IFNGR1: variants seen among roughly 807,000 people sequenced by gnomAD.
IFNGR1 encodes the protein interferon gamma receptor 1.
IFNGR1 carries 23 observed loss-of-function variants against 35.4 expected under a neutral mutation model. The observed-to-expected ratio is 0.65, with a 90% CI of 0.47 to 0.92. IFNGR1 has a LOEUF of 0.92. Ranked by LOEUF, IFNGR1 falls within the 40% of genes least tolerant of loss-of-function variation. The pLI is 0.00. For missense variants in IFNGR1, 533 were observed against 583.4 expected (o/e 0.91, Z 0.89); for synonymous variants, 199 against 209.5 (o/e 0.95, Z 0.43).
At position 137,198,257 on chromosome 6, in the gene IFNGR1, T is replaced by G. The variant is rs775862895; in HGVS notation, c.1244A>C (p.Asp415Ala). ...SDHSRNGFDT[D>A]SSCLESHSSL... is the part of the protein sequence containing the mutation. The stretch of plus-strand genomic sequence containing the variant: ...GCTATGTGATTCCAGACAGCTGGAA[T>G]CAGTATCAAAACCATTTCTGGAGTG... The change falls in exon 7 of 7, where the codon GAT (aspartate) becomes GCT (alanine). Residue 415 changes from aspartate to alanine, a missense_variant. Physicochemically the swap from Asp to Ala is moderately radical, Grantham distance 126. Coordinates refer to ENST00000367739, the MANE Select transcript of IFNGR1 (RefSeq NM_000416.3). The G allele has an allele frequency of 3.7e-6, 6 of 1,614,136 alleles. No individual in the cohort carries two copies. The highest frequency in any genetic ancestry group is 5.1e-6 in the Non-Finnish European group (6 of 1,180,028).
chr6:137,203,791 A>T (rs935547129), intron 4 of IFNGR1, 106 bp from the exon 5 acceptor site: 9 of 917,562 alleles, frequency 9.8e-6, no homozygotes, highest in Non-Finnish European at 1.4e-5. Flanking sequence ...AATATATATG[A>T]TTGACTTGAA....
chr6:137,200,928 T>C lies in IFNGR1; in HGVS notation c.814A>G (p.Lys272Glu). 2.5e-6 allele frequency: 4 copies of C among 1,608,328 alleles called. No individual in the cohort carries two copies. The highest frequency in any genetic ancestry group is 3.4e-6 in the Non-Finnish European group (4 of 1,175,236). The stretch of plus-strand genomic sequence containing the variant: ...CTTTTTTCCTTCAATGGATTAATTT[T>C]CTTAATATAAAAACAGATGAATACC... Reference protein sequence around the residue: ...SLVFICFYIKKINPLKEKSII... With the variant: ...SLVFICFYIKEINPLKEKSII... The change falls in exon 6 of 7, where the codon AAA (lysine) becomes GAA (glutamate). Residue 272 changes from lysine to glutamate, a missense_variant. Coordinates refer to ENST00000367739, the MANE Select transcript of IFNGR1 (RefSeq NM_000416.3).
intron 1 of IFNGR1, among the ~76,000 whole-genome samples, chr6:137,214,304 T>A (rs1334538507): frequency 6.6e-6 from 1 of 152,198 alleles, no homozygotes; most frequent in Non-Finnish European, 1.5e-5. Flanking sequence ...TGTCAGAACA[T>A]ATTTGATTAC....
At chr6:137,200,768 T>A (rs370861477) in intron 6 of IFNGR1, 113 bp downstream of exon 6, 1 of 879,154 alleles carries the variant, frequency 1.1e-6, no homozygotes, top group African/African-American at 1.7e-5. Flanking sequence ...GACTGATTGA[T>A]GGCAGGTGAC....
At chr6:137,200,688 TAA>T (rs75537328) in intron 6 of IFNGR1, among the ~76,000 whole-genome samples, 191 bp downstream of exon 6, 2 of 147,370 alleles carry the variant, frequency 1.4e-5, no homozygotes, top group Non-Finnish European at 1.5e-5. Flanking sequence ...TCCCTGAGAA[TAA>T]AAAAAAAAAC....
chr6:137,210,870 G>A (rs1220901139), intron 1 of IFNGR1, among the ~76,000 whole-genome samples: 6 of 152,008 alleles, frequency 3.9e-5, no homozygotes, highest in Non-Finnish European at 8.8e-5. Context: ...GACCAAACTG[G>A]TATATTGCCT....
intron 3 of IFNGR1, among the ~76,000 whole-genome samples, chr6:137,205,588 A>G (rs1178323149): frequency 6.6e-6 from 1 of 152,196 alleles, no homozygotes; most frequent in Non-Finnish European, 1.5e-5. Flanking sequence ...GTTAGCTGCC[A>G]AAGTCCTTAG....
At chr6:137,200,771 C>T (rs527272055) in intron 6 of IFNGR1, 110 bp downstream of exon 6, 4 of 891,922 alleles carry the variant, frequency 4.5e-6, no homozygotes, top group Non-Finnish European at 5.1e-6. Context: ...TGATTGATGG[C>T]AGGTGACATC....
In IFNGR1 at chr6:137,197,806, TAA is replaced by T. The variant is rs1442991370; in HGVS notation, c.*223_*224del. 6 of 503,102 alleles carry T rather than the reference TAA, an allele frequency of 1.2e-5. No individual in the cohort carries two copies. Among genetic ancestry groups the T allele is most frequent in the Non-Finnish European group, 1.8e-5 (5 of 283,952 alleles). 31.2% of individuals were successfully genotyped at this position (503,102 alleles called of 1,614,324 possible). On this transcript the variant is annotated 3_prime_UTR_variant, in exon 7 of 7. Transcript: ENST00000367739. ...TAACCTATCTGGATGTAAAGGTTCA[TAA>T]GTTACAATGCTTTTTTTGTTTAAAA...
chr6:137,216,502 C>A (rs1243534549), intron 1 of IFNGR1, among the ~76,000 whole-genome samples: 1 of 152,148 alleles, frequency 6.6e-6, no homozygotes, highest in Non-Finnish European at 1.5e-5. Context: ...TCCTAAACAC[C>A]TGGATTTCCT....
chr6:137,214,467 T>C (rs1201325048), intron 1 of IFNGR1, among the ~76,000 whole-genome samples: 4 of 152,238 alleles, frequency 2.6e-5, no homozygotes, highest in Non-Finnish European at 5.9e-5. Context: ...AAGTGTTCAT[T>C]GAAATCTTCT....
Position 137,198,562 on chromosome 6 carries a change from T to C in IFNGR1, c.939A>G (p.Pro313=), listed in dbSNP as rs1411424093. The change falls in exon 7 of 7, where the codon CCA becomes CCG. Residue 313 remains proline, a synonymous_variant. Transcript: ENST00000367739. Reference sequence around the variant, plus strand: ...AGACCACCTCCTTTTCTAAGGAAAATGGCTGGTATGACGTGATGAGTGATA... The same window carrying C: ...AGACCACCTCCTTTTCTAAGGAAAACGGCTGGTATGACGTGATGAGTGATA... ...KYVSLITSYQ[P]FSLEKEVVCE... is the part of the protein sequence containing the mutation. 2 of 1,613,736 alleles carry C rather than the reference T, an allele frequency of 1.2e-6. No homozygotes were observed. The highest frequency in any genetic ancestry group is 4.5e-5 in the East Asian group (2 of 44,886).
intron 6 of IFNGR1, among the ~76,000 whole-genome samples, chr6:137,199,489 ATATTATATAAAATATATAATT>A (rs1779198573): frequency 1.1e-5 from 1 of 91,946 alleles, no homozygotes; most frequent in Non-Finnish European, 2.1e-5. Context: ...AATTTATAAT[ATATTATATAAAATATATAATT>A]TATAATATAT....
intron 1 of IFNGR1, among the ~76,000 whole-genome samples, chr6:137,214,925 GT>G (rs1394356023): frequency 6.6e-6 from 1 of 152,098 alleles, no homozygotes; most frequent in East Asian, 1.9e-4. Context: ...GGTTAAGTTT[GT>G]TTTTTTAAAA....
chr6:137,219,113 C>G, intron 1 of IFNGR1, 130 bp downstream of exon 1: 2 of 1,259,484 alleles, frequency 1.6e-6, no homozygotes, highest in South Asian at 1.3e-5. Flanking sequence ...CCGTCGCCCG[C>G]TCAGGGCCCG....
rs762406244 is a variant in IFNGR1 at position 137,198,250 on chromosome 6, G to C, written c.1251C>G (p.Ser417Arg). 2 of 1,614,106 alleles carry C rather than the reference G, an allele frequency of 1.2e-6. No homozygotes were observed. The highest frequency in any genetic ancestry group is 3.3e-5 in the Admixed American group (2 of 59,992). ...HSRNGFDTDSSCLESHSSLSD... is the reference protein window; with the variant it reads ...HSRNGFDTDSRCLESHSSLSD... ...ATAAGGAGCTATGTGATTCCAGACA[G>C]CTGGAATCAGTATCAAAACCATTTC... Residue 417 changes from serine to arginine, a missense_variant, in exon 7 of 7, where the codon AGC (serine) becomes AGG (arginine). Physicochemically the swap from Ser to Arg is moderately radical, Grantham distance 110. Transcript: ENST00000367739.
Position 137,207,033 on chromosome 6 carries a change from G to A in IFNGR1, c.130C>T (p.Pro44Ser), listed in dbSNP as rs749548839. Residue 44 changes from proline (P) to serine (S), a missense_variant, in exon 2 of 7, where the codon CCT becomes TCT. Pro to Ser is a moderately conservative substitution (Grantham distance 74). Transcript: ENST00000367739. ...NVTIESYNMN[P>S]IVYWEYQIMP... ...ATCTGGTACTCCCAATATACGATAG[G>A]GTTCATGTTATAGGATTCAATTGTA... is the stretch of plus-strand genomic sequence containing the variant. The A allele has an allele frequency of 1.2e-6, 2 of 1,613,920 alleles. No homozygotes were observed. The highest frequency in any genetic ancestry group is 1.1e-5 in the South Asian group (1 of 91,064).
intron 3 of IFNGR1, 95 bp from the exon 4 acceptor site, chr6:137,204,599 G>C (rs1779385799): frequency 3.8e-6 from 4 of 1,058,672 alleles, no homozygotes; most frequent in East Asian, 2.5e-5. Flanking sequence ...TCAACCTATT[G>C]TTTTTGTTCT....
In IFNGR1 at chr6:137,206,294, T is replaced by A. The variant is rs1406607541; in HGVS notation, c.215A>T (p.Glu72Val). 1 of 1,602,236 alleles carries A rather than the reference T, an allele frequency of 6.2e-7. No homozygotes were observed. The highest frequency in any genetic ancestry group is 1.1e-5 in the South Asian group (1 of 90,800). ...EVKNYGVKNSEWIDACINISH... is the reference protein window; with the variant it reads ...EVKNYGVKNSVWIDACINISH... ...AATATTGATGCAGGCATCAATCCAT[T>A]CTGAATTCTTAACACTAAAAAGAAT... is the stretch of plus-strand genomic sequence containing the variant. The change falls in exon 3 of 7, where the codon GAA (glutamate) becomes GTA (valine). Residue 72 changes from glutamate (E) to valine (V), a missense_variant. By Grantham distance (121) the Glu-to-Val change is moderately radical (BLOSUM62 -2). Transcript: ENST00000367739.
Sources: allele counts gnomAD v4.1 joint callset (sites outside exome capture counted in the v4.1 genomes callset), GRCh38; gene constraint gnomAD v4.1.1; transcripts MANE v1.5; gene names NCBI Gene and HGNC (gene_info 2026-07-23, HGNC 2026-07-21).